The following SMURF2 variants were observed in gnomAD, a reference collection of about 807,000 sequenced individuals.
The protein encoded by SMURF2 is SMAD specific E3 ubiquitin protein ligase 2, also known as E3 ubiquitin-protein ligase SMURF2.
In SMURF2, 48 loss-of-function variants were observed where a neutral mutation model predicts 109.6. The observed-to-expected ratio is 0.44, with a 90% CI of 0.35 to 0.56. SMURF2 has a LOEUF of 0.56. Ranked by LOEUF, SMURF2 falls within the 20% of genes least tolerant of loss-of-function variation. The pLI is 0.01. For missense variants in SMURF2, 575 were observed against 909.0 expected (o/e 0.63, Z 4.72); for synonymous variants, 288 against 317.1 (o/e 0.91, Z 0.97).
chr17:64,566,564 T>TG (rs1248925408), intron 10 of SMURF2, among the ~76,000 whole-genome samples: 560 of 49,440 alleles, frequency 0.011, 36 homozygotes, highest in African/African-American at 0.034. Context: ...CTTTCTGGTT[T>TG]TTTTTTTTTT....
At chr17:64,648,075 A>AC in intron 1 of SMURF2, among the ~76,000 whole-genome samples, 1 of 148,272 alleles carries the variant, frequency 6.7e-6, no homozygotes, top group Non-Finnish European at 1.5e-5. Flanking sequence ...AAAAAAAAAA[A>AC]AAAAAAAAAA....
chr17:64,562,577 C>G (rs1209440892), intron 11 of SMURF2, among the ~76,000 whole-genome samples, 194 bp downstream of exon 11: 2 of 151,844 alleles, frequency 1.3e-5, no homozygotes, highest in African/African-American at 4.8e-5. Flanking sequence ...TGGGGTTTCT[C>G]CATGTTAGTC....
intron 1 of SMURF2, among the ~76,000 whole-genome samples, chr17:64,657,561 C>G (rs1030843395): frequency 1.3e-5 from 2 of 151,408 alleles, no homozygotes; most frequent in Non-Finnish European, 2.9e-5. Flanking sequence ...AAAAATCAGC[C>G]AGTCACAGTG....
chr17:64,554,908 G>C lies in SMURF2; in HGVS notation c.1696C>G (p.Pro566Ala). Residue 566 changes from proline to alanine, a missense_variant, in exon 15 of 19, where the codon CCA becomes GCA. By Grantham distance (27) the Pro-to-Ala change is conservative. Around this residue, in one of 5 missense-constraint regions of SMURF2, gnomAD observed 361 missense variants for 612.1 expected, o/e 0.59. Transcript: ENST00000262435. The stretch of plus-strand genomic sequence containing the variant: ...TTAACAGGGATACTTTTGCCATTTG[G>C]TTTAAGTTCATGCTGAATAATTTCA... ...YGEIIQHELK[P>A]NGKSIPVNEE... 6.2e-7 allele frequency: 1 copy of C among 1,613,496 alleles called. No homozygotes were observed. Among genetic ancestry groups the C allele is most frequent in the Non-Finnish European group, 8.5e-7 (1 of 1,179,660 alleles).
chr17:64,624,175 C>T (rs1970238251), intron 1 of SMURF2, among the ~76,000 whole-genome samples: 1 of 152,116 alleles, frequency 6.6e-6, no homozygotes, highest in Admixed American at 6.5e-5. Flanking sequence ...CTCCTTCAAC[C>T]TTAATACGAT....
At chr17:64,562,090 C>T (rs1393505712) in intron 11 of SMURF2, among the ~76,000 whole-genome samples, 8 of 151,628 alleles carry the variant, frequency 5.3e-5, no homozygotes, top group African/African-American at 9.7e-5. Flanking sequence ...GTCAAGAGAT[C>T]GAGACCATCC....
chr17:64,658,179 A>G (rs1280112105), intron 1 of SMURF2, among the ~76,000 whole-genome samples: 1 of 151,932 alleles, frequency 6.6e-6, no homozygotes, highest in East Asian at 1.9e-4. Context: ...ACGTGGCAAA[A>G]CCCGTCTCTA....
At chr17:64,572,046 T>C in intron 9 of SMURF2, 90 bp from the exon 10 acceptor site, 1 of 1,067,514 alleles carries the variant, frequency 9.4e-7, no homozygotes, top group East Asian at 2.8e-5. Context: ...TTCCACAAAG[T>C]GTGAGAAAAT....
intron 10 of SMURF2, among the ~76,000 whole-genome samples, chr17:64,570,905 T>C (rs1969388553): frequency 6.6e-6 from 1 of 152,186 alleles, no homozygotes; most frequent in Admixed American, 6.5e-5. Context: ...CTCGGTGTCC[T>C]GAGTAGCTGG....
chr17:64,554,318 T>A (rs1208937789), intron 15 of SMURF2, among the ~76,000 whole-genome samples: 1 of 152,224 alleles, frequency 6.6e-6, no homozygotes, highest in Admixed American at 6.5e-5. Flanking sequence ...AGGACCAGGC[T>A]TAGGCCTTAA....
intron 2 of SMURF2, among the ~76,000 whole-genome samples, chr17:64,599,980 C>G (rs192226236): frequency 2.6e-5 from 4 of 152,238 alleles, no homozygotes; most frequent in African/African-American, 9.6e-5. Context: ...GTAAGAGAGG[C>G]TTAAAAGTCG....
chr17:64,571,978 A>T (rs1969405219), intron 9 of SMURF2, 22 bp from the exon 10 acceptor site: 2 of 1,593,874 alleles, frequency 1.3e-6, no homozygotes, highest in African/African-American at 1.4e-5. Context: ...AATATAAAAT[A>T]AAAAATACCT....
Position 64,606,587 on chromosome 17 carries a change from A to T in SMURF2, c.91+15T>A. On this transcript the variant is annotated intron_variant, in intron 2 of 18. Transcript: ENST00000262435. ...TCTACATACAATACACAAGATTTAA[A>T]GTTAATTTACTTACGGAAAAAATCC... 1 of 1,521,066 alleles carries T rather than the reference A, an allele frequency of 6.6e-7. No individual in the cohort carries two copies. The highest frequency in any genetic ancestry group is 8.9e-7 in the Non-Finnish European group (1 of 1,119,104). The allele number at this position is 1,521,066 out of a possible 1,614,324, so 94.2% of individuals were successfully genotyped here. A position where few individuals can be genotyped will look rare whatever the true frequency, so the allele number is the denominator to read the frequency against.
At chr17:64,579,372 ATTT>A (rs1270581075) in intron 8 of SMURF2, among the ~76,000 whole-genome samples, 15 of 152,080 alleles carry the variant, frequency 9.9e-5, no homozygotes, top group African/African-American at 3.6e-4. Context: ...TATTACTAAT[ATTT>A]ATTAGTATAA....
chr17:64,655,123 G>A (rs1970688724), intron 1 of SMURF2, among the ~76,000 whole-genome samples: 1 of 151,836 alleles, frequency 6.6e-6, no homozygotes, highest in Non-Finnish European at 1.5e-5. Flanking sequence ...AAGCTATCCT[G>A]AACAATATGG....
chr17:64,554,427 G>A (rs1344165282), intron 15 of SMURF2, among the ~76,000 whole-genome samples: 2 of 152,144 alleles, frequency 1.3e-5, no homozygotes, highest in East Asian at 3.8e-4. Flanking sequence ...TGGGGGGAGG[G>A]AGTGGCTATG....
intron 10 of SMURF2, among the ~76,000 whole-genome samples, chr17:64,564,536 G>A (rs75456054): frequency 0.088 from 13,399 of 152,182 alleles, 917 homozygotes; most frequent in African/African-American, 0.17. Flanking sequence ...AAATTAAGGT[G>A]AGGTAAGATC....
At chr17:64,637,495 A>G (rs1378250273) in intron 1 of SMURF2, among the ~76,000 whole-genome samples, 1 of 152,054 alleles carries the variant, frequency 6.6e-6, no homozygotes, top group Non-Finnish European at 1.5e-5. Flanking sequence ...TAATTTTTAT[A>G]TATGGCATGA....
chr17:64,653,472 AT>A (rs56105490), intron 1 of SMURF2, among the ~76,000 whole-genome samples: 123,437 of 147,798 alleles, frequency 0.84, 51,615 homozygotes, highest in East Asian at 0.96. Context: ...AAAAAAAAAA[AT>A]TTTTTTTTTT....
Sources: gnomAD v4.1 joint callset for allele counts (sites outside exome capture counted in the v4.1 genomes callset) on GRCh38, gnomAD v4.1.1 for gene constraint, gnomAD v4.1.1 regional missense constraint, MANE v1.5 for transcripts, NCBI Gene and HGNC (gene_info 2026-07-23, HGNC 2026-07-21) for gene names.